The following TNFRSF6B variants were observed in gnomAD, a reference collection of about 807,000 sequenced individuals.
TNFRSF6B encodes TNF receptor superfamily member 6b, also known as tumor necrosis factor receptor superfamily member 6B.
TNFRSF6B carries 23 observed loss-of-function variants against 17.9 expected under a neutral mutation model. That is an observed-to-expected ratio of 1.28 (90% CI 0.92 to 1.82). The LOEUF is 1.82. Ranked by LOEUF, TNFRSF6B falls within the 40% of genes most tolerant of loss-of-function variation. The pLI, the probability that TNFRSF6B is intolerant of heterozygous loss-of-function variation, is 0.00. For missense variants in TNFRSF6B, 555 were observed against 437.2 expected, an observed-to-expected ratio of 1.27 and a Z score of -2.40; for synonymous variants, 291 against 195.8, an observed-to-expected ratio of 1.49 and a Z score of -4.06.
intron 2 of TNFRSF6B, among the ~76,000 whole-genome samples, chr20:63,698,008 C>T (rs1351304269): frequency 1.3e-5 from 2 of 152,170 alleles, no homozygotes; most frequent in Non-Finnish European, 2.9e-5. Flanking sequence ...CCAGGAGCCC[C>T]AAGCCCTTGC....
chr20:63,697,366 C>CAG lies in TNFRSF6B; in HGVS notation c.463_464insAG (p.Pro155GlnfsTer102), dbSNP rs2091004922. Reference sequence around the variant, plus strand: ...GAACACGCAGTGCCAGCCGTGCCCCCCAGGCACCTTCTCAGCCAGCAGCTC... The same window carrying CAG: ...GAACACGCAGTGCCAGCCGTGCCCCCAGCAGGCACCTTCTCAGCCAGCAGCTC... On this transcript the variant is annotated frameshift_variant, in exon 2 of 3. Coordinates refer to ENST00000369996, the MANE Select transcript of TNFRSF6B (RefSeq NM_003823.4). LOFTEE classifies it high-confidence loss of function. 2 of 1,612,164 alleles carry CAG rather than the reference C, an allele frequency of 1.2e-6. No individual in the cohort carries two copies. The highest frequency in any genetic ancestry group is 1.7e-6 in the Non-Finnish European group (2 of 1,179,736).
rs2090991991 is a variant in TNFRSF6B at position 63,696,855 on chromosome 20, G to C, written c.88G>C (p.Val30Leu). ...GCTGCCGGTGCCGGCTGTACGCGGA[G>C]TGGCAGAAACACCCACCTACCCCTG... ...ALLPVPAVRG[V>L]AETPTYPWRD... The change falls in exon 1 of 3, where the codon GTG becomes CTG. Residue 30 changes from valine to leucine, a missense_variant. Physicochemically the swap from Val to Leu is conservative, Grantham distance 32. Coordinates refer to ENST00000369996, the MANE Select transcript of TNFRSF6B (RefSeq NM_003823.4). The C allele has an allele frequency of 6.2e-7, 1 of 1,611,590 alleles. No homozygotes were observed. Among genetic ancestry groups the C allele is most frequent in the Non-Finnish European group, 8.5e-7 (1 of 1,179,532 alleles).
At chr20:63,697,544 G>A (rs1445581746) in intron 2 of TNFRSF6B, 22 bp downstream of exon 2, 6 of 1,526,084 alleles carry the variant, frequency 3.9e-6, no homozygotes, top group Non-Finnish European at 4.4e-6. Context: ...GCCTGAGGGG[G>A]CAGCACACTG....
In TNFRSF6B at chr20:63,696,964, G is replaced by C. The variant is rs1360239167; in HGVS notation, c.197G>C (p.Ser66Thr). The change falls in exon 1 of 3, where the codon AGC (serine) becomes ACC (threonine). Residue 66 changes from serine to threonine, a missense_variant. By Grantham distance (58) the Ser-to-Thr change is moderately conservative (BLOSUM62 1). Coordinates refer to ENST00000369996, the MANE Select transcript of TNFRSF6B (RefSeq NM_003823.4). ...TFVQRPCRRD[S>T]PTTCGPCPPR... Reference sequence around the variant, plus strand: ...GTGCAGCGGCCGTGCCGCCGAGACAGCCCCACGACGTGTGGCCCGTGTCCA... The same window carrying C: ...GTGCAGCGGCCGTGCCGCCGAGACACCCCCACGACGTGTGGCCCGTGTCCA... 1.2e-6 allele frequency: 2 copies of C among 1,608,126 alleles called. No individual in the cohort carries two copies. The highest frequency in any genetic ancestry group is 1.3e-5 in the African/African-American group (1 of 74,580).
At chr20:63,698,146 G>T (rs2091024171) in intron 2 of TNFRSF6B, 134 bp from the exon 3 acceptor site, 3 of 1,199,810 alleles carry the variant, frequency 2.5e-6, no homozygotes, top group Admixed American at 5.6e-5. Context: ...GCCCTCTCCA[G>T]CACGGCTCAC....
chr20:63,698,284 TGAG>T lies in TNFRSF6B; in HGVS notation c.628_630del (p.Glu210del), dbSNP rs1316349244. On this transcript the variant is annotated inframe_deletion, in exon 3 of 3. Coordinates refer to ENST00000369996, the MANE Select transcript of TNFRSF6B (RefSeq NM_003823.4). ...TGCCTCCCCACCCCACTGCAGGAGC[TGAG>T]GAGTGTGAGCGTGCCGTCATCGACT... 6.2e-7 allele frequency: 1 copy of T among 1,610,412 alleles called. No individual in the cohort carries two copies. The highest frequency in any genetic ancestry group is 8.5e-7 in the Non-Finnish European group (1 of 1,179,062).
rs755903692 is a variant in TNFRSF6B, at chr20:63,696,982, C to T, written c.215C>T (p.Pro72Leu). The change falls in exon 1 of 3, where the codon CCG becomes CTG. Residue 72 changes from proline (P) to leucine (L), a missense_variant. Physicochemically the swap from Pro to Leu is moderately conservative, Grantham distance 98. Transcript: ENST00000369996. ...CGAGACAGCCCCACGACGTGTGGCC[C>T]GTGTCCACCGCGCCACTACACGCAG... The part of the protein sequence containing the change: ...CRRDSPTTCG[P>L]CPPRHYTQFW... The T allele has an allele frequency of 1.1e-5, 17 of 1,608,744 alleles. No homozygotes were observed. The highest frequency in any genetic ancestry group is 6.6e-5 in the South Asian group (6 of 90,924).
In TNFRSF6B at chr20:63,696,655, C is replaced by T. The variant is rs1307537615; in HGVS notation, c.-113C>T. 2.4e-6 allele frequency: 3 copies of T among 1,239,052 alleles called. No individual in the cohort carries two copies. The highest frequency in any genetic ancestry group is 3.3e-6 in the Non-Finnish European group (3 of 920,652). The allele number at this position is 1,239,052 out of a possible 1,614,324, so 76.8% of individuals were successfully genotyped here. Reference sequence around the variant, plus strand: ...GGCAGCAGCAGGATGGGCTTCTGGACTTGGGCGGCCCCTCCGCAGGCGGAC... The same window carrying T: ...GGCAGCAGCAGGATGGGCTTCTGGATTTGGGCGGCCCCTCCGCAGGCGGAC... On this transcript the variant is annotated 5_prime_UTR_variant, in exon 1 of 3. Transcript: ENST00000369996.
intron 2 of TNFRSF6B, 130 bp from the exon 3 acceptor site, chr20:63,698,150 G>C: frequency 8.2e-7 from 1 of 1,217,466 alleles, no homozygotes; most frequent in Non-Finnish European, 1.1e-6. Context: ...TCTCCAGCAC[G>C]GCTCACTGCA....
In TNFRSF6B at chr20:63,696,778, T is replaced by C; in HGVS notation, c.11T>C (p.Leu4Pro). ...GCTCCAGCAAGGACCATGAGGGCGC[T>C]GGAGGGGCCAGGCCTGTCGCTGCTG... Reference protein sequence around the residue: MRALEGPGLSLLCL... With the variant: MRAPEGPGLSLLCL... Residue 4 changes from leucine (L) to proline (P), a missense_variant, in exon 1 of 3, where the codon CTG becomes CCG. Physicochemically the swap from Leu to Pro is moderately conservative, Grantham distance 98. Transcript: ENST00000369996. 2.5e-6 allele frequency: 4 copies of C among 1,592,860 alleles called. No individual in the cohort carries two copies. The highest frequency in any genetic ancestry group is 3.4e-6 in the Non-Finnish European group (4 of 1,169,026).
rs747619103 is a variant in TNFRSF6B, at chr20:63,698,544, G to A, written c.884G>A (p.Arg295His). 5.2e-6 allele frequency: 8 copies of A among 1,536,364 alleles called. No homozygotes were observed. Among genetic ancestry groups the A allele is most frequent in the East Asian group, 2.5e-5 (1 of 40,746 alleles). The part of the protein sequence containing the change: ...MPGLERSVRE[R>H]FLPVH ...GGGCTGGAGCGGAGCGTCCGTGAGC[G>A]CTTCCTCCCTGTGCACTGATCCTGG... is the stretch of plus-strand genomic sequence containing the variant. Residue 295 changes from arginine (R) to histidine (H), a missense_variant, in exon 3 of 3, where the codon CGC becomes CAC. Coordinates refer to ENST00000369996, the MANE Select transcript of TNFRSF6B (RefSeq NM_003823.4).
At position 63,696,693 on chromosome 20, in the gene TNFRSF6B, A is replaced by T; in HGVS notation, c.-75A>T. ...TCCGCAGGCGGACCGGGGGCAAAGG[A>T]GGTGGCATGTCGGTCAGGCACAGCA... On this transcript the variant is annotated 5_prime_UTR_variant, in exon 1 of 3. Coordinates refer to ENST00000369996, the MANE Select transcript of TNFRSF6B (RefSeq NM_003823.4). The T allele has an allele frequency of 7.0e-7, 1 of 1,422,906 alleles. No individual in the cohort carries two copies. The highest frequency in any genetic ancestry group is 9.2e-7 in the Non-Finnish European group (1 of 1,083,136). 88.1% of individuals were successfully genotyped at this position (1,422,906 alleles called of 1,614,324 possible).
rs779286455 is a variant in TNFRSF6B, at chr20:63,698,491, G to A, written c.831G>A (p.Leu277=). 1.3e-6 allele frequency: 2 copies of A among 1,547,952 alleles called. No individual in the cohort carries two copies. Among genetic ancestry groups the A allele is most frequent in the Non-Finnish European group, 1.7e-6 (2 of 1,155,258 alleles). ...AQDGALLVRL[L]QALRVARMPG... ...ACGGGGCGCTGCTGGTGCGGCTGCT[G>A]CAGGCGCTGCGCGTGGCCAGGATGC... The change falls in exon 3 of 3, where the codon CTG becomes CTA. Residue 277 remains leucine, a synonymous_variant. Coordinates refer to ENST00000369996, the MANE Select transcript of TNFRSF6B (RefSeq NM_003823.4).
chr20:63,698,209 G>C (rs1035079072), intron 2 of TNFRSF6B, 71 bp from the exon 3 acceptor site: 17 of 1,567,230 alleles, frequency 1.1e-5, no homozygotes, highest in Non-Finnish European at 1.5e-5. Flanking sequence ...CCAGAAAGCA[G>C]GGTACCTGGC....
rs1294278229 is a variant in TNFRSF6B, at chr20:63,698,624, TTTTTTAAATAGAA to T, written c.*62_*74del. On this transcript the variant is annotated 3_prime_UTR_variant, in exon 3 of 3. Coordinates refer to ENST00000369996, the MANE Select transcript of TNFRSF6B (RefSeq NM_003823.4). Reference sequence around the variant, plus strand: ...ACCCCACTTGCACTGAAAGAGGCTTTTTTTTAAATAGAAGAAATGAGGTTTCTTAAAGCTTATT... The same window carrying T: ...ACCCCACTTGCACTGAAAGAGGCTTTGAAATGAGGTTTCTTAAAGCTTATT... The T allele has an allele frequency of 2.9e-5, 41 of 1,404,034 alleles. No homozygotes were observed. The East Asian group carries it at 9.8e-4, about 33-fold the overall frequency. 87.0% of individuals were successfully genotyped at this position (1,404,034 alleles called of 1,614,324 possible). A position where few individuals can be genotyped will look rare whatever the true frequency, so the allele number is the denominator to read the frequency against.
chr20:63,697,623 G>A, intron 2 of TNFRSF6B, 101 bp downstream of exon 2: 1 of 1,300,582 alleles, frequency 7.7e-7, no homozygotes, highest in Non-Finnish European at 1.0e-6. Flanking sequence ...ATGCCAGCTG[G>A]CTCTGGGAAG....
At position 63,696,887 on chromosome 20, in the gene TNFRSF6B, C is replaced by A; in HGVS notation, c.120C>A (p.Asp40Glu). ...AAACACCCACCTACCCCTGGCGGGA[C>A]GCAGAGACAGGGGAGCGGCTGGTGT... ...VAETPTYPWR[D>E]AETGERLVCA... Residue 40 changes from aspartate to glutamate, a missense_variant, in exon 1 of 3, where the codon GAC becomes GAA. Asp to Glu is a conservative substitution (Grantham distance 45, BLOSUM62 2). Coordinates refer to ENST00000369996, the MANE Select transcript of TNFRSF6B (RefSeq NM_003823.4). 6.2e-7 allele frequency: 1 copy of A among 1,611,830 alleles called. No individual in the cohort carries two copies. The highest frequency in any genetic ancestry group is 8.5e-7 in the Non-Finnish European group (1 of 1,179,472).
At position 63,697,364 on chromosome 20, in the gene TNFRSF6B, C is replaced by CTTCTCAG. The variant is rs2091004819; in HGVS notation, c.461_462insTTCTCAG (p.Pro155SerfsTer38). 1.2e-6 allele frequency: 2 copies of CTTCTCAG among 1,612,180 alleles called. No individual in the cohort carries two copies. The highest frequency in any genetic ancestry group is 1.7e-6 in the Non-Finnish European group (2 of 1,179,738). On this transcript the variant is annotated frameshift_variant, in exon 2 of 3. Coordinates refer to ENST00000369996, the MANE Select transcript of TNFRSF6B (RefSeq NM_003823.4). LOFTEE classifies it high-confidence loss of function. ...CAGAACACGCAGTGCCAGCCGTGCC[C>CTTCTCAG]CCCAGGCACCTTCTCAGCCAGCAGC... is the stretch of plus-strand genomic sequence containing the variant.
rs2257440 is a variant in TNFRSF6B at position 63,696,914 on chromosome 20, C to T, written c.147C>T (p.Cys49=). The change falls in exon 1 of 3, where the codon TGC becomes TGT. Residue 49 remains cysteine (C), a synonymous_variant. Transcript: ENST00000369996. The part of the protein sequence containing the change: ...RDAETGERLV[C]AQCPPGTFVQ... ...CAGAGACAGGGGAGCGGCTGGTGTG[C>T]GCCCAGTGCCCCCCAGGCACCTTTG... is the stretch of plus-strand genomic sequence containing the variant. 390,008 of 1,608,974 alleles carry T rather than the reference C, an allele frequency of 0.24. 52,952 individuals are homozygous for T. The highest frequency in any genetic ancestry group is 0.62 in the East Asian group (27,859 of 44,686).
Sources: allele counts gnomAD v4.1 joint callset (sites outside exome capture counted in the v4.1 genomes callset), GRCh38; gene constraint gnomAD v4.1.1; transcripts MANE v1.5; gene names NCBI Gene and HGNC (gene_info 2026-07-23, HGNC 2026-07-21).